CFAP299: variants seen among roughly 807,000 people sequenced by gnomAD.
CFAP299 encodes cilia and flagella associated protein 299, also known as cilia- and flagella-associated protein 299.
In CFAP299, 21 loss-of-function variants were observed where a neutral mutation model predicts 27.0. The observed-to-expected ratio is 0.78, with a 90% CI of 0.55 to 1.12. The LOEUF (loss-of-function observed/expected upper bound fraction) is 1.12, where lower values mean the gene tolerates loss of function less well. CFAP299 is among the 50% of genes most tolerant of loss of function. The pLI is 0.00. For missense variants in CFAP299, 310 were observed against 276.6 expected (o/e 1.12, Z -0.86); for synonymous variants, 104 against 98.1 (o/e 1.06, Z -0.36).
At chr4:80,860,039 C>T (rs1732216849) in intron 3 of CFAP299, among the ~76,000 whole-genome samples, 1 of 152,212 alleles carries the variant, frequency 6.6e-6, no homozygotes, top group Admixed American at 6.5e-5. Context: ...CCATCACTTT[C>T]AGGTACACCA....
At position 80,799,926 on chromosome 4, in the gene CFAP299, A is replaced by G. The variant is rs908722299; in HGVS notation, c.334-70067A>G. On this transcript the variant is annotated intron_variant, in intron 3 of 5. Coordinates refer to ENST00000358105, the MANE Select transcript of CFAP299 (RefSeq NM_152770.3). ...TTATAATATAATATATAATATATAT[A>G]TTTATATATTATATTATATAAATAT... 2.2e-4 allele frequency among the ~76,000 whole-genome samples: 10 copies of G among 45,024 alleles called. 1 individual carries two copies. The highest frequency in any genetic ancestry group is 1.8e-4 in the Non-Finnish European group (5 of 28,172). 29.5% of individuals were successfully genotyped at this position (45,024 alleles called of 152,430 possible). A position where few individuals can be genotyped will look rare whatever the true frequency, so the allele number is the denominator to read the frequency against.
chr4:80,894,226 G>T (rs1734497046), intron 4 of CFAP299, among the ~76,000 whole-genome samples: 1 of 151,744 alleles, frequency 6.6e-6, no homozygotes, highest in Non-Finnish European at 1.5e-5. Flanking sequence ...TTTCTTTACA[G>T]GGATGTAAAA....
At chr4:80,783,340 A>T (rs1322390743) in intron 3 of CFAP299, among the ~76,000 whole-genome samples, 1 of 152,164 alleles carries the variant, frequency 6.6e-6, no homozygotes, top group African/African-American at 2.4e-5. Flanking sequence ...CCTGAATACT[A>T]GCAGGCAGGG....
intron 2 of CFAP299, among the ~76,000 whole-genome samples, chr4:80,505,586 C>T (rs1194747356): frequency 3.3e-5 from 5 of 152,142 alleles, no homozygotes; most frequent in Middle Eastern, 3.4e-3. Context: ...TTTTTTCAGG[C>T]AAGACACTTG....
chr4:80,499,719 T>G (rs139750475), intron 2 of CFAP299, among the ~76,000 whole-genome samples: 3 of 152,196 alleles, frequency 2.0e-5, no homozygotes, highest in Non-Finnish European at 4.4e-5. Context: ...ACATGGAGAT[T>G]TAGGTACATG....
At chr4:80,687,499 T>C (rs1377722350) in intron 3 of CFAP299, among the ~76,000 whole-genome samples, 20 of 152,198 alleles carry the variant, frequency 1.3e-4, no homozygotes, top group Admixed American at 1.3e-3. Flanking sequence ...AGGTGAGCCA[T>C]TGCAGTTGTA....
At chr4:80,748,529 G>T (rs1044782306) in intron 3 of CFAP299, among the ~76,000 whole-genome samples, 7 of 151,960 alleles carry the variant, frequency 4.6e-5, no homozygotes, top group Admixed American at 4.6e-4. Context: ...ATGAGAACAT[G>T]CTATTTTTAT....
intron 3 of CFAP299, among the ~76,000 whole-genome samples, chr4:80,734,480 G>A (rs563721033): frequency 1.2e-4 from 18 of 151,988 alleles, no homozygotes; most frequent in East Asian, 5.8e-4. Context: ...ATGTGATCCC[G>A]TTTGCCCATT....
At chr4:80,545,122 T>G (rs1160402599) in intron 2 of CFAP299, among the ~76,000 whole-genome samples, 1 of 139,644 alleles carries the variant, frequency 7.2e-6, no homozygotes, top group Non-Finnish European at 1.5e-5. Flanking sequence ...GTAAGAAAAT[T>G]AACACAGAAA....
intron 4 of CFAP299, among the ~76,000 whole-genome samples, chr4:80,893,828 C>G (rs1420207901): frequency 6.6e-6 from 1 of 151,884 alleles, no homozygotes; most frequent in Non-Finnish European, 1.5e-5. Flanking sequence ...AGATATGAAC[C>G]AGCAAGCACA....
chr4:80,394,710 C>G (rs1725683179), intron 2 of CFAP299, among the ~76,000 whole-genome samples: 1 of 152,088 alleles, frequency 6.6e-6, no homozygotes, highest in African/African-American at 2.4e-5. Flanking sequence ...GTTCTTGGCA[C>G]TTTCTGCAAG....
At chr4:80,574,492 C>T (rs1381014821) in intron 2 of CFAP299, among the ~76,000 whole-genome samples, 1 of 152,038 alleles carries the variant, frequency 6.6e-6, no homozygotes, top group African/African-American at 2.4e-5. Context: ...ACTTCCAGTA[C>T]TATGTGGAGT....
intron 2 of CFAP299, among the ~76,000 whole-genome samples, chr4:80,491,906 G>T (rs983365843): frequency 6.6e-6 from 1 of 152,054 alleles, no homozygotes; most frequent in African/African-American, 2.4e-5. Flanking sequence ...TCTTCTTCCA[G>T]ACCCTTCCAA....
intron 2 of CFAP299, among the ~76,000 whole-genome samples, chr4:80,370,625 T>G (rs776787234): frequency 6.6e-6 from 1 of 152,200 alleles, no homozygotes; most frequent in African/African-American, 2.4e-5. Context: ...CAGGCAAGTC[T>G]GAAACCCAGC....
chr4:80,835,869 T>C (rs962615125), intron 3 of CFAP299, among the ~76,000 whole-genome samples: 6 of 152,204 alleles, frequency 3.9e-5, no homozygotes, highest in Admixed American at 2.0e-4. Context: ...CAAAATAAAC[T>C]ACCTCTCATC....
chr4:80,828,232 G>GAGCCA, intron 3 of CFAP299, among the ~76,000 whole-genome samples: 1 of 151,952 alleles, frequency 6.6e-6, no homozygotes, highest in African/African-American at 2.4e-5. Flanking sequence ...GGACCTGGAA[G>GAGCCA]AGCCAAAACA....
At chr4:80,898,084 G>A (rs957264753) in intron 4 of CFAP299, among the ~76,000 whole-genome samples, 2 of 152,076 alleles carry the variant, frequency 1.3e-5, no homozygotes, top group African/African-American at 4.8e-5. Context: ...TTACAGTAAG[G>A]GCTCTTTTAG....
chr4:80,751,387 A>G (rs1381453394), intron 3 of CFAP299, among the ~76,000 whole-genome samples: 2 of 152,124 alleles, frequency 1.3e-5, no homozygotes, highest in Non-Finnish European at 2.9e-5. Flanking sequence ...CCTCATGCAG[A>G]TCTTTTGTAT....
intron 2 of CFAP299, among the ~76,000 whole-genome samples, chr4:80,435,810 C>G (rs1486110941): frequency 6.6e-6 from 1 of 152,126 alleles, no homozygotes; most frequent in East Asian, 1.9e-4. Flanking sequence ...TATCAATTCC[C>G]CTTTTTGCTC....
Sources: allele counts gnomAD v4.1 joint callset (sites outside exome capture counted in the v4.1 genomes callset), GRCh38; gene constraint gnomAD v4.1.1; transcripts MANE v1.5; gene names NCBI Gene and HGNC (gene_info 2026-07-23, HGNC 2026-07-21).